The following FAM169A variants were observed in gnomAD, a reference collection of about 807,000 sequenced individuals.
FAM169A encodes soluble lamin-associated protein of 75 kDa.
FAM169A carries 24 observed loss-of-function variants against 75.7 expected under a neutral mutation model. That is an observed-to-expected ratio of 0.32 (90% CI 0.23 to 0.45). The LOEUF is 0.45. Among genes scored for constraint, FAM169A ranks in the 20% least tolerant of loss-of-function variants. The pLI is 1.00. For synonymous variants in FAM169A, 271 were observed against 271.0 expected, an observed-to-expected ratio of 1.00 and a Z score of 0.00; for missense variants, 673 against 784.0, an observed-to-expected ratio of 0.86 and a Z score of 1.69.
chr5:74,787,601 C>G (rs1745760136), intron 11 of FAM169A, among the ~76,000 whole-genome samples: 2 of 152,190 alleles, frequency 1.3e-5, no homozygotes, highest in African/African-American at 4.8e-5. Context: ...ACTGCAGTCA[C>G]TCAACTACAA....
intron 8 of FAM169A, among the ~76,000 whole-genome samples, chr5:74,802,901 A>G (rs185096611): frequency 1.3e-5 from 2 of 152,246 alleles, no homozygotes; most frequent in African/African-American, 4.8e-5. Context: ...AAAGGTGCAA[A>G]AAGTGTAAGA....
At chr5:74,799,795 G>C in intron 10 of FAM169A, 1 of 1,097,026 alleles carries the variant, frequency 9.1e-7, no homozygotes, top group Non-Finnish European at 1.4e-6. Flanking sequence ...CATGACTGCT[G>C]ACCAATGCTC....
At chr5:74,801,769 T>C in intron 8 of FAM169A, 140 bp from the exon 9 acceptor site, 1 of 667,022 alleles carries the variant, frequency 1.5e-6, no homozygotes, top group Middle Eastern at 3.7e-4. Context: ...ACTTTAAAAA[T>C]AAAAAGGTTA....
chr5:74,779,348 T>C lies in FAM169A; in HGVS notation c.*2112A>G, dbSNP rs1745292277. The C allele has an allele frequency of 6.6e-6, 1 of 152,138 alleles. No individual in the cohort carries two copies. Among genetic ancestry groups the C allele is most frequent in the African/African-American group, 2.4e-5 (1 of 41,452 alleles). The allele number at this position is 152,138 out of a possible 1,614,324, so 9.4% of individuals were successfully genotyped here. ...AGCACATATACTAAAATTAGAACAA[T>C]ACAGGGAAAATTAGCATGGCCCCTG... On this transcript the variant is annotated 3_prime_UTR_variant, in exon 13 of 13. Coordinates refer to ENST00000687041, the MANE Select transcript of FAM169A (RefSeq NM_001376049.1).
At chr5:74,838,386 G>A (rs981506995) in intron 4 of FAM169A, among the ~76,000 whole-genome samples, 4 of 152,062 alleles carry the variant, frequency 2.6e-5, no homozygotes, top group African/African-American at 9.6e-5. Context: ...GGTTTCTATA[G>A]ATTTTCCATA....
intron 6 of FAM169A, among the ~76,000 whole-genome samples, chr5:74,809,784 T>A (rs1219826839): frequency 6.6e-6 from 1 of 152,136 alleles, no homozygotes; most frequent in Non-Finnish European, 1.5e-5. Flanking sequence ...ACATAATGAG[T>A]GCTTTCCACT....
chr5:74,800,262 T>C (rs1276796307), intron 10 of FAM169A, among the ~76,000 whole-genome samples: 2 of 125,258 alleles, frequency 1.6e-5, no homozygotes, highest in Non-Finnish European at 3.1e-5. Flanking sequence ...ATGTTTTTGT[T>C]TGTTTTTTTT....
At chr5:74,854,657 G>A (rs1201027330) in intron 1 of FAM169A, among the ~76,000 whole-genome samples, 1 of 152,032 alleles carries the variant, frequency 6.6e-6, no homozygotes, top group Non-Finnish European at 1.5e-5. Flanking sequence ...CTATCTCCAT[G>A]AATTTAATTG....
chr5:74,831,772 G>A (rs537993148), intron 5 of FAM169A, among the ~76,000 whole-genome samples: 1 of 152,250 alleles, frequency 6.6e-6, no homozygotes, highest in East Asian at 1.9e-4. Context: ...TATACGTCAA[G>A]TTATAAATCA....
chr5:74,778,438 T>C lies in FAM169A; in HGVS notation c.*3022A>G, dbSNP rs903164964. On this transcript the variant is annotated 3_prime_UTR_variant, in exon 13 of 13. Coordinates refer to ENST00000687041, the MANE Select transcript of FAM169A (RefSeq NM_001376049.1). ...AATCATAAACCTTCAAGATTTCTAG[T>C]CACTGAAACCCCATTGTAGGTAGTG... 6.6e-6 allele frequency: 1 copy of C among 152,034 alleles called. No individual in the cohort carries two copies. The highest frequency in any genetic ancestry group is 1.5e-5 in the Non-Finnish European group (1 of 67,894). The allele number at this position is 152,034 out of a possible 1,614,324, so 9.4% of individuals were successfully genotyped here. A position where few individuals can be genotyped will look rare whatever the true frequency, so the allele number is the denominator to read the frequency against.
rs188049504 is a variant in FAM169A at position 74,801,650 on chromosome 5, A to C, written c.913-21T>G. On this transcript the variant is annotated intron_variant, in intron 8 of 12. Transcript: ENST00000687041. ...TCAATCTAAAAAAGAGAGAGATTCA[A>C]ACCCAAAGTTTTAGACTATTTTTTC... 3.0e-4 allele frequency: 475 copies of C among 1,598,626 alleles called. 1 individual carries two copies. The highest frequency in any genetic ancestry group is 2.7e-3 in the East Asian group (123 of 44,764).
upstream of FAM169A, chr5:74,866,544 G>A (rs187020799): frequency 1.5e-3 from 824 of 531,928 alleles, 11 homozygotes; most frequent in East Asian, 0.046. Flanking sequence ...GCAGGTGCGG[G>A]CTTGGCCAGC....
chr5:74,815,252 C>T lies in FAM169A; in HGVS notation c.491-1233G>A, dbSNP rs558514543. On this transcript the variant is annotated intron_variant, in intron 5 of 12. Coordinates refer to ENST00000687041, the MANE Select transcript of FAM169A (RefSeq NM_001376049.1). ...TTGCCGAGGCTGGAGGGCAATGGCA[C>T]GATTTCAGCTCACTGCAACTTCCAC... is the stretch of plus-strand genomic sequence containing the variant. Among the ~76,000 whole-genome samples the T allele has an allele frequency of 4.6e-5, 7 of 151,666 alleles. No individual in the cohort carries two copies. In the South Asian group the frequency reaches 1.3e-3, roughly 27 times the overall value.
At chr5:74,853,701 ATTT>A (rs34017579) in intron 1 of FAM169A, among the ~76,000 whole-genome samples, 143 of 110,186 alleles carry the variant, frequency 1.3e-3, no homozygotes, top group African/African-American at 5.4e-3. Context: ...CATCTTCAGA[ATTT>A]TTTTTTTTTT....
At position 74,779,106 on chromosome 5, in the gene FAM169A, A is replaced by C. The variant is rs1745278248; in HGVS notation, c.*2354T>G. On this transcript the variant is annotated 3_prime_UTR_variant, in exon 13 of 13. Transcript: ENST00000687041. ...GTAACAGAAGTGTTCTTGTGTGCTG[A>C]ACAAAAAACTTCTAAATTGTTTACA... The C allele has an allele frequency of 6.6e-6, 1 of 152,128 alleles. No homozygotes were observed. The highest frequency in any genetic ancestry group is 1.5e-5 in the Non-Finnish European group (1 of 67,968). The allele number at this position is 152,128 out of a possible 1,614,324, so 9.4% of individuals were successfully genotyped here. A position where few individuals can be genotyped will look rare whatever the true frequency, so the allele number is the denominator to read the frequency against.
intron 5 of FAM169A, among the ~76,000 whole-genome samples, chr5:74,817,205 G>A (rs1580120432): frequency 6.6e-6 from 1 of 151,738 alleles, no homozygotes; most frequent in East Asian, 1.9e-4. Context: ...GAATAATTAG[G>A]CAAGAAAAAG....
intron 5 of FAM169A, among the ~76,000 whole-genome samples, chr5:74,825,708 C>A (rs1561309970): frequency 6.6e-6 from 1 of 152,138 alleles, no homozygotes; most frequent in Non-Finnish European, 1.5e-5. Context: ...AATCACTTTA[C>A]CCTTGGTATC....
At chr5:74,795,943 A>C in intron 11 of FAM169A, 87 bp downstream of exon 11, 1 of 1,376,316 alleles carries the variant, frequency 7.3e-7, no homozygotes, top group Non-Finnish European at 1.0e-6. Flanking sequence ...TCTAAAATAT[A>C]TCGCTATACT....
rs901401244 is a variant in FAM169A at position 74,799,618 on chromosome 5, G to A, written c.1103+1262C>T. On this transcript the variant is annotated intron_variant, in intron 10 of 12. Transcript: ENST00000687041. ...CGGTGGCACTGGTGGCTGGGTCCAC[G>A]GGGTCAGCTTCTCCGCCAGTGGGAG... 3.6e-5 allele frequency: 52 copies of A among 1,432,372 alleles called. 1 individual carries two copies. The highest frequency in any genetic ancestry group is 3.4e-4 in the African/African-American group (24 of 71,390). 88.7% of individuals were successfully genotyped at this position (1,432,372 alleles called of 1,614,324 possible).
Sources: gnomAD v4.1 joint callset for allele counts (sites outside exome capture counted in the v4.1 genomes callset) on GRCh38, gnomAD v4.1.1 for gene constraint, MANE v1.5 for transcripts, NCBI Gene and HGNC (gene_info 2026-07-23, HGNC 2026-07-21) for gene names.